The following PARG variants were observed in gnomAD, a reference collection of about 807,000 sequenced individuals.
The protein encoded by PARG is poly(ADP-ribose) glycohydrolase.
In PARG, 35 loss-of-function variants were observed where a neutral mutation model predicts 113.0. The observed-to-expected ratio is 0.31, with a 90% confidence interval of 0.24 to 0.41. PARG has a LOEUF of 0.41. Among genes scored for constraint, PARG ranks in the 10% least tolerant of loss-of-function variants. PARG has a pLI of 1.00. For synonymous variants in PARG, 330 were observed against 409.9 expected (o/e 0.81, Z 2.36); for missense variants, 797 against 1,169.4 (o/e 0.68, Z 4.64).
chr10:49,874,415 A>G (rs1470806121), intron 9 of PARG, among the ~76,000 whole-genome samples: 2 of 152,030 alleles, frequency 1.3e-5, no homozygotes, highest in Non-Finnish European at 2.9e-5. Flanking sequence ...CAAGCCCAAC[A>G]TGCTGACTTT....
At chr10:49,881,048 G>T (rs1362675251) in intron 8 of PARG, among the ~76,000 whole-genome samples, 1 of 152,170 alleles carries the variant, frequency 6.6e-6, no homozygotes, top group Non-Finnish European at 1.5e-5. Flanking sequence ...AAGCTACAAG[G>T]TTTCATCCAC....
At chr10:49,845,810 T>G in intron 13 of PARG, among the ~76,000 whole-genome samples, 1 of 150,972 alleles carries the variant, frequency 6.6e-6, no homozygotes, top group Non-Finnish European at 1.5e-5. Context: ...GGCAGGGGCA[T>G]CACTTGAACC....
At chr10:49,930,343 CAT>C (rs1302147045) in intron 4 of PARG, among the ~76,000 whole-genome samples, 2 of 150,918 alleles carry the variant, frequency 1.3e-5, no homozygotes, top group Non-Finnish European at 2.9e-5. Flanking sequence ...TGGGCTCTTA[CAT>C]TACCTCTCCT....
At chr10:49,929,942 G>A (rs1838405192) in intron 4 of PARG, among the ~76,000 whole-genome samples, 1 of 150,496 alleles carries the variant, frequency 6.6e-6, no homozygotes, top group South Asian at 2.1e-4. Flanking sequence ...AGTTAGGGAT[G>A]AGAGTTAAAG....
chr10:49,864,267 T>A (rs1554836438), intron 11 of PARG, among the ~76,000 whole-genome samples: 1 of 151,994 alleles, frequency 6.6e-6, no homozygotes, highest in East Asian at 1.9e-4. Flanking sequence ...CTGGCTCATT[T>A]TTTTTTCTCT....
intron 7 of PARG, among the ~76,000 whole-genome samples, chr10:49,891,590 C>CATATATATATATATATATAT (rs1211471476): frequency 1.4e-4 from 7 of 48,618 alleles, no homozygotes; most frequent in African/African-American, 4.7e-4. Flanking sequence ...TCCTATGGTC[C>CATATATATATATATATATAT]ATATATATAT....
At chr10:49,886,166 C>T (rs1554840411) in intron 7 of PARG, among the ~76,000 whole-genome samples, 1 of 152,174 alleles carries the variant, frequency 6.6e-6, no homozygotes, top group Non-Finnish European at 1.5e-5. Context: ...CCTGATCATC[C>T]TACATTGAGG....
At position 49,941,985 on chromosome 10, in the gene PARG, G is replaced by A. The variant is rs1839119083; in HGVS notation, c.-260C>T. The A allele has an allele frequency of 9.9e-6, 9 of 909,798 alleles. No homozygotes were observed. The highest frequency in any genetic ancestry group is 1.5e-5 in the Non-Finnish European group (9 of 584,706). 56.4% of individuals were successfully genotyped at this position (909,798 alleles called of 1,614,324 possible). A position where few individuals can be genotyped will look rare whatever the true frequency, so the allele number is the denominator to read the frequency against. On this transcript the variant is annotated 5_prime_UTR_variant, in exon 1 of 18. Transcript: ENST00000616448. ...GGGATTCGTTCACTTTCCCACCACC[G>A]GAAAGCTGCCGTCAGGCGCTTCCGG...
intron 7 of PARG, among the ~76,000 whole-genome samples, chr10:49,910,520 G>GCAAAAC (rs1279462678): frequency 6.6e-6 from 1 of 151,666 alleles, no homozygotes; most frequent in African/African-American, 2.4e-5. Flanking sequence ...AAAAACAAAA[G>GCAAAAC]CAAAACCAAA....
intron 16 of PARG, among the ~76,000 whole-genome samples, chr10:49,832,241 T>C (rs534454480): frequency 2.0e-5 from 3 of 152,234 alleles, no homozygotes; most frequent in African/African-American, 4.8e-5. Flanking sequence ...ATCTGTGCCA[T>C]TCATGCAGCT....
chr10:49,931,130 G>A (rs1838456000), intron 4 of PARG, among the ~76,000 whole-genome samples: 1 of 150,956 alleles, frequency 6.6e-6, no homozygotes, highest in Non-Finnish European at 1.5e-5. Flanking sequence ...TATTCACATT[G>A]GTTTTTGTCC....
intron 15 of PARG, among the ~76,000 whole-genome samples, chr10:49,837,990 A>ATC (rs782349894): frequency 6.6e-6 from 1 of 152,236 alleles, no homozygotes; most frequent in Non-Finnish European, 1.5e-5. Context: ...GAAGTTTATG[A>ATC]TCACAAAAGA....
chr10:49,882,055 G>T (rs2573499), intron 8 of PARG, among the ~76,000 whole-genome samples: 1 of 152,148 alleles, frequency 6.6e-6, no homozygotes. Flanking sequence ...TAATAGTAAA[G>T]ATTTCAGGAT....
intron 8 of PARG, 124 bp from the exon 9 acceptor site, chr10:49,879,954 T>G: frequency 1.7e-6 from 1 of 592,644 alleles, no homozygotes; most frequent in South Asian, 2.1e-5. Flanking sequence ...CATTCTTGAA[T>G]CCTTAAATCA....
At chr10:49,868,808 G>A (rs1298097608) in intron 10 of PARG, among the ~76,000 whole-genome samples, 6 of 151,304 alleles carry the variant, frequency 4.0e-5, no homozygotes, top group African/African-American at 9.7e-5. Flanking sequence ...GGTAATGGCC[G>A]TTATTATATT....
At chr10:49,884,299 A>G (rs1206476223) in intron 8 of PARG, among the ~76,000 whole-genome samples, 1 of 152,264 alleles carries the variant, frequency 6.6e-6, no homozygotes, top group Non-Finnish European at 1.5e-5. Context: ...AATAAAATAC[A>G]GGATTCTTTA....
Position 49,880,104 on chromosome 10 carries a change from C to T in PARG, c.1831-274G>A, listed in dbSNP as rs577495863. On this transcript the variant is annotated intron_variant, in intron 8 of 17. Transcript: ENST00000616448. ...TACTTATTAGTGAAAAACAAGATTGCTTCAGCAAGTAAATAAAAACACATT... is the reference window on the plus strand; with the variant it reads ...TACTTATTAGTGAAAAACAAGATTGTTTCAGCAAGTAAATAAAAACACATT... Among the ~76,000 whole-genome samples, 8 of 151,492 alleles carry T rather than the reference C, an allele frequency of 5.3e-5. No homozygotes were observed. The East Asian group carries it at 1.4e-3, about 26-fold the overall frequency.
intron 7 of PARG, among the ~76,000 whole-genome samples, chr10:49,890,450 T>C (rs527541063): frequency 7.9e-5 from 12 of 152,318 alleles, no homozygotes; most frequent in Admixed American, 2.0e-4. Flanking sequence ...GATAAACAAA[T>C]ACCTGAGGAA....
intron 10 of PARG, among the ~76,000 whole-genome samples, chr10:49,866,761 A>G (rs1846533177): frequency 6.6e-6 from 1 of 152,216 alleles, no homozygotes; most frequent in South Asian, 2.1e-4. Flanking sequence ...CTTTCATCTC[A>G]GAATAGGATA....
Sources: gnomAD v4.1 joint callset for allele counts (sites outside exome capture counted in the v4.1 genomes callset) on GRCh38, gnomAD v4.1.1 for gene constraint, MANE v1.5 for transcripts, NCBI Gene and HGNC (gene_info 2026-07-23, HGNC 2026-07-21) for gene names.